SDC3: variants seen among roughly 807,000 people sequenced by gnomAD.
SDC3 encodes the protein syndecan-3.
A neutral mutation model predicts 24.4 loss-of-function variants in SDC3; 13 were observed. The observed-to-expected ratio is 0.53, with a 90% confidence interval of 0.35 to 0.85. The LOEUF (loss-of-function observed/expected upper bound fraction) is 0.85, where lower values mean the gene tolerates loss of function less well. Among genes scored for constraint, SDC3 ranks in the 40% least tolerant of loss-of-function variants. The probability of loss-of-function intolerance (pLI) is 0.01; values close to 1 mark genes in which losing one functional copy is unlikely to be tolerated. For synonymous variants in SDC3, 295 were observed against 260.9 expected, an observed-to-expected ratio of 1.13 and a Z score of -1.26; for missense variants, 571 against 584.5, an observed-to-expected ratio of 0.98 and a Z score of 0.24.
intron 2 of SDC3, 40 bp from the exon 3 acceptor site, chr1:30,877,205 G>A: frequency 6.2e-7 from 1 of 1,612,780 alleles, no homozygotes; most frequent in Non-Finnish European, 8.5e-7. Flanking sequence ...AGGGAGCTGG[G>A]TGGTTGTGAG....
rs1160706370 is a variant in SDC3 at position 30,869,783 on chromosome 1, A to T, written c.*3428T>A. ...TGGCAGACCCCCACCCACCCCAGGCAGGTTCTGTACAGGAGAAAGGACTCA... is the reference window on the plus strand; with the variant it reads ...TGGCAGACCCCCACCCACCCCAGGCTGGTTCTGTACAGGAGAAAGGACTCA... On this transcript the variant is annotated 3_prime_UTR_variant, in exon 5 of 5. Coordinates refer to ENST00000339394, the MANE Select transcript of SDC3 (RefSeq NM_014654.4). The T allele has an allele frequency of 1.5e-5, 6 of 398,640 alleles. No individual in the cohort carries two copies. Among genetic ancestry groups the T allele is most frequent in the Non-Finnish European group, 2.7e-5 (6 of 226,248 alleles). 24.7% of individuals were successfully genotyped at this position (398,640 alleles called of 1,614,324 possible).
At chr1:30,900,329 C>G (rs903968310) in intron 1 of SDC3, among the ~76,000 whole-genome samples, 1 of 152,200 alleles carries the variant, frequency 6.6e-6, no homozygotes, top group Non-Finnish European at 1.5e-5. Context: ...TCATCTTCCT[C>G]GTCATCATCT....
intron 1 of SDC3, among the ~76,000 whole-genome samples, chr1:30,891,975 C>T (rs930176412): frequency 3.9e-5 from 6 of 152,012 alleles, no homozygotes; most frequent in Non-Finnish European, 7.4e-5. Context: ...CCCCCTGCCC[C>T]TCAGCAATGG....
intron 1 of SDC3, among the ~76,000 whole-genome samples, chr1:30,899,199 G>T (rs4949323): frequency 0.49 from 75,111 of 151,956 alleles, 18,880 homozygotes; most frequent in East Asian, 0.66. Context: ...CAATTCTCCT[G>T]CCTCAGCCTC....
intron 1 of SDC3, among the ~76,000 whole-genome samples, chr1:30,889,160 G>T (rs1639871765): frequency 6.6e-6 from 1 of 152,210 alleles, no homozygotes; most frequent in Admixed American, 6.5e-5. Flanking sequence ...CTACCTCTCT[G>T]AGCCTCAGTT....
chr1:30,891,620 G>A (rs1311815134), intron 1 of SDC3, among the ~76,000 whole-genome samples: 1 of 152,108 alleles, frequency 6.6e-6, no homozygotes, highest in Admixed American at 6.5e-5. Context: ...GCTCACACCT[G>A]TAATCCCAGA....
rs1011025273 is a variant in SDC3 at position 30,872,625 on chromosome 1, T to C, written c.*586A>G. 1 of 153,222 alleles carries C rather than the reference T, an allele frequency of 6.5e-6. No individual in the cohort carries two copies. The highest frequency in any genetic ancestry group is 2.4e-5 in the African/African-American group (1 of 41,360). The allele number at this position is 153,222 out of a possible 1,614,324, so 9.5% of individuals were successfully genotyped here. A position where few individuals can be genotyped will look rare whatever the true frequency, so the allele number is the denominator to read the frequency against. On this transcript the variant is annotated 3_prime_UTR_variant, in exon 5 of 5. Coordinates refer to ENST00000339394, the MANE Select transcript of SDC3 (RefSeq NM_014654.4). ...CAGAAAGAAATGAAGTCTGGGTACA[T>C]GTGTACTTGGCAGGCAAGAGGAGAG...
At chr1:30,895,969 CCA>C (rs1639993712) in intron 1 of SDC3, among the ~76,000 whole-genome samples, 1 of 152,116 alleles carries the variant, frequency 6.6e-6, no homozygotes, top group African/African-American at 2.4e-5. Context: ...GCCTCCGAGC[CCA>C]CAGTCTGTCC....
chr1:30,874,035 GT>G, intron 4 of SDC3, among the ~76,000 whole-genome samples: 1 of 152,298 alleles, frequency 6.6e-6, no homozygotes, highest in East Asian at 1.9e-4. Flanking sequence ...CAAAGTCAGA[GT>G]CCACAGAGGG....
intron 1 of SDC3, among the ~76,000 whole-genome samples, chr1:30,901,725 A>G (rs1638417376): frequency 6.6e-6 from 1 of 152,120 alleles, no homozygotes; most frequent in Non-Finnish European, 1.5e-5. Flanking sequence ...CTCCAAAAGA[A>G]AACCCTGCTC....
chr1:30,874,563 G>C lies in SDC3; in HGVS notation c.896C>G (p.Thr299Ser), dbSNP rs1639606785. 6.2e-7 allele frequency: 1 copy of C among 1,614,146 alleles called. No homozygotes were observed. The change falls in exon 4 of 5, where the codon ACC becomes AGC. Residue 299 changes from threonine to serine, a missense_variant. Physicochemically the swap from Thr to Ser is moderately conservative, Grantham distance 58. Around this residue, in one of 2 missense-constraint regions of SDC3, gnomAD observed 497 missense variants for 471.6 expected, o/e 1.05. Coordinates refer to ENST00000339394, the MANE Select transcript of SDC3 (RefSeq NM_014654.4). ...AQTPTPETFL[T>S]TIRDEPEVPV... The stretch of plus-strand genomic sequence containing the variant: ...AACCTCTGGCTCATCCCGGATTGTG[G>C]TCAGGAAGGTCTCTGGAGTTGGGGT...
rs758125709 is a variant in SDC3 at position 30,878,673 on chromosome 1, G to C, written c.206C>G (p.Ser69Cys). Residue 69 changes from serine (S) to cysteine (C), a missense_variant, in exon 2 of 5, where the codon TCC (serine) becomes TGC (cysteine). Ser to Cys is a moderately radical substitution (Grantham distance 112). Transcript: ENST00000339394. ...GTCATCCAGTTCATCATCGGGAAAG[G>C]AGTCATCATCCCCAGAGCCCTCCAG... ...VDLEGSGDDD[S>C]FPDDELDDLY... 5 of 1,614,190 alleles carry C rather than the reference G, an allele frequency of 3.1e-6. No individual in the cohort carries two copies. The South Asian group carries it at 4.4e-5, about 14-fold the overall frequency.
intron 1 of SDC3, among the ~76,000 whole-genome samples, chr1:30,891,651 G>A (rs1570015218): frequency 6.6e-6 from 1 of 152,184 alleles, no homozygotes; most frequent in East Asian, 1.9e-4. Flanking sequence ...GCTGAGGCGG[G>A]TGGATCACGA....
Position 30,869,642 on chromosome 1 carries a change from ACTGT to A in SDC3, c.*3565_*3568del. 2.5e-6 allele frequency: 1 copy of A among 397,314 alleles called. No homozygotes were observed. Among genetic ancestry groups the A allele is most frequent in the Non-Finnish European group, 4.4e-6 (1 of 225,924 alleles). The allele number at this position is 397,314 out of a possible 1,614,324, so 24.6% of individuals were successfully genotyped here. A position where few individuals can be genotyped will look rare whatever the true frequency, so the allele number is the denominator to read the frequency against. On this transcript the variant is annotated 3_prime_UTR_variant, in exon 5 of 5. Coordinates refer to ENST00000339394, the MANE Select transcript of SDC3 (RefSeq NM_014654.4). ...GCAGGCGCCTTGGTCTCTTTTTTCC[ACTGT>A]CTTTTTCTTTTGTTTTTCTTATTTA... is the stretch of plus-strand genomic sequence containing the variant.
chr1:30,880,122 C>T (rs1414410230), intron 1 of SDC3: 13 of 152,332 alleles, frequency 8.5e-5, no homozygotes, highest in Admixed American at 8.5e-4. Flanking sequence ...TCAGCCTCCA[C>T]TCAGGTAGCG....
At chr1:30,898,481 G>A (rs1017992267) in intron 1 of SDC3, among the ~76,000 whole-genome samples, 2 of 152,204 alleles carry the variant, frequency 1.3e-5, no homozygotes, top group African/African-American at 4.8e-5. Flanking sequence ...TCAGTAAACA[G>A]TAGCACAGTG....
chr1:30,893,882 G>A (rs1439957770), intron 1 of SDC3, among the ~76,000 whole-genome samples: 2 of 152,106 alleles, frequency 1.3e-5, no homozygotes, highest in Non-Finnish European at 2.9e-5. Context: ...CTGCATCTCC[G>A]AAGGAATCCA....
rs1046323559 is a variant in SDC3 at position 30,908,666 on chromosome 1, G to A, written c.-80C>T. The A allele has an allele frequency of 8.1e-6, 4 of 493,702 alleles. No individual in the cohort carries two copies. The African/African-American group carries it at 8.5e-5, about 10-fold the overall frequency. The allele number at this position is 493,702 out of a possible 1,614,324, so 30.6% of individuals were successfully genotyped here. On this transcript the variant is annotated 5_prime_UTR_variant, in exon 1 of 5. Transcript: ENST00000339394. ...GCGCGGCGCGCGGGGCGGCTGCTTG[G>A]CGGCGGCGCGGCCCGGCGGCTGGAC...
chr1:30,890,864 C>T lies in SDC3; in HGVS notation c.139-12124G>A, dbSNP rs567319927. On this transcript the variant is annotated intron_variant, in intron 1 of 4. Transcript: ENST00000339394. Reference sequence around the variant, plus strand: ...CCTCAGGTGAAGCCTCCACAGCCCCCGCCCCCAGACAGGCAAACGTTTAGT... The same window carrying T: ...CCTCAGGTGAAGCCTCCACAGCCCCTGCCCCCAGACAGGCAAACGTTTAGT... Among the ~76,000 whole-genome samples, 11 of 152,302 alleles carry T rather than the reference C, an allele frequency of 7.2e-5. No homozygotes were observed. The South Asian group carries it at 8.3e-4, about 12-fold the overall frequency.
Sources: allele counts gnomAD v4.1 joint callset (sites outside exome capture counted in the v4.1 genomes callset), GRCh38; gene constraint gnomAD v4.1.1; regional missense constraint gnomAD v4.1.1; transcripts MANE v1.5; gene names NCBI Gene and HGNC (gene_info 2026-07-23, HGNC 2026-07-21).